Variants in CRIM1 observed in about 807,000 individuals in gnomAD.
CRIM1 encodes cysteine rich transmembrane BMP regulator 1.
In CRIM1, 32 loss-of-function variants were observed where a neutral mutation model predicts 116.4. That is an observed-to-expected ratio of 0.27 (90% confidence interval 0.21 to 0.37). The LOEUF is 0.37. Among genes scored for constraint, CRIM1 ranks in the 10% least tolerant of loss-of-function variants. The probability of loss-of-function intolerance (pLI) is 1.00; values close to 1 mark genes in which losing one functional copy is unlikely to be tolerated. For missense variants in CRIM1, 1,331 were observed against 1,354.8 expected (o/e 0.98, Z 0.28); for synonymous variants, 590 against 509.2 (o/e 1.16, Z -2.13).
At chr2:36,526,087 A>G (rs1048521091) in intron 13 of CRIM1, among the ~76,000 whole-genome samples, 3 of 152,210 alleles carry the variant, frequency 2.0e-5, no homozygotes, top group African/African-American at 7.2e-5. Flanking sequence ...CTAGTTTCTT[A>G]TAATATCCAT....
intron 4 of CRIM1, among the ~76,000 whole-genome samples, chr2:36,460,008 G>A (rs544472895): frequency 6.6e-6 from 1 of 152,070 alleles, no homozygotes; most frequent in African/African-American, 2.4e-5. Flanking sequence ...ACCTCCTAAG[G>A]GGGTGAGTGC....
chr2:36,512,520 C>T, intron 10 of CRIM1, 126 bp downstream of exon 10: 1 of 1,018,056 alleles, frequency 9.8e-7, no homozygotes, highest in Non-Finnish European at 1.4e-6. Flanking sequence ...ATGTCAGTCT[C>T]TGTGGGACCG....
chr2:36,512,443 G>A (rs201440060), intron 10 of CRIM1, 49 bp downstream of exon 10: 48 of 1,563,898 alleles, frequency 3.1e-5, no homozygotes, highest in East Asian at 1.4e-4. Context: ...CAGGGGCACC[G>A]AAACAAGGAA....
intron 4 of CRIM1, among the ~76,000 whole-genome samples, chr2:36,447,684 A>G (rs848514): frequency 0.72 from 109,272 of 152,102 alleles, 39,533 homozygotes; most frequent in East Asian, 0.99. Context: ...GTCCCAGGTC[A>G]AGCCCTCATT....
chr2:36,397,504 G>A (rs557630930), intron 2 of CRIM1, among the ~76,000 whole-genome samples: 21 of 152,164 alleles, frequency 1.4e-4, no homozygotes, highest in African/African-American at 5.1e-4. Context: ...CAGCTCTGCC[G>A]CTAACCAGCA....
At chr2:36,367,313 A>G (rs1669665744) in intron 1 of CRIM1, among the ~76,000 whole-genome samples, 2 of 152,218 alleles carry the variant, frequency 1.3e-5, no homozygotes, top group African/African-American at 2.4e-5. Flanking sequence ...ATTTGTGTAT[A>G]TCCTAGCTTG....
At chr2:36,485,762 A>G (rs11893748) in intron 7 of CRIM1, among the ~76,000 whole-genome samples, 38,902 of 152,076 alleles carry the variant, frequency 0.26, 5,170 homozygotes, top group South Asian at 0.41. Context: ...AACAGGGATC[A>G]AAACTCAGTT....
intron 2 of CRIM1, among the ~76,000 whole-genome samples, chr2:36,419,044 G>A (rs1293821519): frequency 1.3e-5 from 2 of 152,156 alleles, no homozygotes; most frequent in African/African-American, 4.8e-5. Context: ...TATCCTGACA[G>A]TATCCCTGTA....
At chr2:36,467,768 A>G (rs540812501) in intron 5 of CRIM1, among the ~76,000 whole-genome samples, 8 of 152,210 alleles carry the variant, frequency 5.3e-5, no homozygotes, top group Non-Finnish European at 1.2e-4. Context: ...TTAGGCCCCC[A>G]GTTTTCTGGC....
intron 13 of CRIM1, among the ~76,000 whole-genome samples, chr2:36,533,053 T>C (rs921283863): frequency 2.6e-5 from 4 of 152,204 alleles, no homozygotes; most frequent in African/African-American, 7.2e-5. Context: ...TCCCAGTCTT[T>C]ATTTCTACAT....
At chr2:36,473,583 T>C (rs58813162) in intron 5 of CRIM1, among the ~76,000 whole-genome samples, 4,005 of 152,246 alleles carry the variant, frequency 0.026, 182 homozygotes, top group African/African-American at 0.09. Context: ...TGGACGTGCC[T>C]ATGATGGGTG....
rs772311915 is a variant in CRIM1, at chr2:36,550,799, G to GTCTT, written c.*2100_*2103dup. ...AATTAATCCATTCCTGGCATAAAAA[G>GTCTT]TCTTTATCAAAAAAAATTGTAGATG... On this transcript the variant is annotated 3_prime_UTR_variant, in exon 17 of 17. Transcript: ENST00000280527. 32 of 152,446 alleles carry GTCTT rather than the reference G, an allele frequency of 2.1e-4. No homozygotes were observed. The highest frequency in any genetic ancestry group is 3.4e-3 in the Middle Eastern group (1 of 294). The allele number at this position is 152,446 out of a possible 1,614,324, so 9.4% of individuals were successfully genotyped here. A position where few individuals can be genotyped will look rare whatever the true frequency, so the allele number is the denominator to read the frequency against.
At chr2:36,468,666 CACAA>C (rs1678238733) in intron 5 of CRIM1, among the ~76,000 whole-genome samples, 1 of 152,204 alleles carries the variant, frequency 6.6e-6, no homozygotes. Context: ...TGCTCCTGCC[CACAA>C]ACAAATGTCC....
At chr2:36,405,431 G>A (rs917169075) in intron 2 of CRIM1, among the ~76,000 whole-genome samples, 2 of 152,284 alleles carry the variant, frequency 1.3e-5, no homozygotes, top group Admixed American at 6.5e-5. Context: ...CGGAGCTGAA[G>A]GTCCATGGGG....
chr2:36,385,215 A>G (rs796680428), intron 1 of CRIM1, among the ~76,000 whole-genome samples: 22 of 152,286 alleles, frequency 1.4e-4, no homozygotes, highest in African/African-American at 5.3e-4. Context: ...TCACTCTTTC[A>G]TTTATCTTCC....
chr2:36,390,050 T>C (rs1671458103), intron 1 of CRIM1, among the ~76,000 whole-genome samples: 1 of 152,176 alleles, frequency 6.6e-6, no homozygotes, highest in Non-Finnish European at 1.5e-5. Context: ...GCCTTTGCAT[T>C]GAAAATCTTT....
intron 13 of CRIM1, among the ~76,000 whole-genome samples, chr2:36,524,164 C>T (rs1665595758): frequency 6.6e-6 from 1 of 152,034 alleles, no homozygotes; most frequent in Admixed American, 6.6e-5. Flanking sequence ...CAGGAGTGTC[C>T]CAAGCAAACT....
At chr2:36,403,439 A>G (rs1190456614) in intron 2 of CRIM1, among the ~76,000 whole-genome samples, 2 of 152,234 alleles carry the variant, frequency 1.3e-5, no homozygotes, top group Non-Finnish European at 2.9e-5. Context: ...ACCGTGTTGC[A>G]TTCATAAGAT....
intron 1 of CRIM1, among the ~76,000 whole-genome samples, chr2:36,363,537 C>T (rs982332126): frequency 7.0e-6 from 1 of 143,192 alleles, no homozygotes; most frequent in East Asian, 2.0e-4. Context: ...CCGCCCCCCC[C>T]CCCCATGACT....
Sources: allele counts gnomAD v4.1 joint callset (sites outside exome capture counted in the v4.1 genomes callset), GRCh38; gene constraint gnomAD v4.1.1; transcripts MANE v1.5; gene names NCBI Gene and HGNC (gene_info 2026-07-23, HGNC 2026-07-21).